The following MYL11 variants were observed in gnomAD, a reference collection of about 807,000 sequenced individuals.
The protein encoded by MYL11 is myosin light chain 11, also known as myosin regulatory light chain 11.
At chr16:30,376,330 C>T in the MYL11 span, 1 of 1,547,024 alleles carries the variant, frequency 6.5e-7, no homozygotes, top group Non-Finnish European at 8.8e-7. Flanking sequence ...GTCTACCCAG[C>T]TGAAAAATGA....
chr16:30,373,172 G>A, the MYL11 span, among the ~76,000 whole-genome samples: 4 of 152,202 alleles, frequency 2.6e-5, no homozygotes, highest in Non-Finnish European at 4.4e-5. Flanking sequence ...CTCTTGGCTC[G>A]GCGCGGTGGC....
the MYL11 span, among the ~76,000 whole-genome samples, chr16:30,371,874 C>T: frequency 3.3e-5 from 5 of 152,272 alleles, no homozygotes; most frequent in East Asian, 7.7e-4. Flanking sequence ...ACGTTATGAG[C>T]TCCAACCTTC....
chr16:30,375,336 A>G, the MYL11 span, among the ~76,000 whole-genome samples: 1 of 152,052 alleles, frequency 6.6e-6, no homozygotes, highest in East Asian at 1.9e-4. Context: ...GTGGTGGTGC[A>G]TGCCTGTAAT....
chr16:30,375,773 T>C, the MYL11 span: 10 of 1,496,042 alleles, frequency 6.7e-6, no homozygotes, highest in Admixed American at 1.7e-5. Context: ...CCCAGAGAGG[T>C]GGAGGGACTG....
the MYL11 span, chr16:30,375,824 C>T: frequency 6.2e-7 from 1 of 1,613,810 alleles, no homozygotes; most frequent in Non-Finnish European, 8.5e-7. Context: ...CTCCAGGCAC[C>T]CAAGAGGGCC....
chr16:30,371,052 A>C, the MYL11 span: 1 of 152,252 alleles, frequency 6.6e-6, no homozygotes, highest in Non-Finnish European at 1.5e-5. Context: ...GCTAGAGATT[A>C]ATTCGCCCCG....
At chr16:30,376,831 C>CAG in the MYL11 span, 30 of 848,018 alleles carry the variant, frequency 3.5e-5, no homozygotes, top group Admixed American at 6.6e-4. Context: ...CTTTGGGAGG[C>CAG]AGAGGCAGGA....
chr16:30,377,461 T>C, the MYL11 span: 1 of 499,694 alleles, frequency 2.0e-6, no homozygotes, highest in African/African-American at 1.9e-5. Flanking sequence ...ATTGTGGTAA[T>C]GGGCGGTAAG....
At chr16:30,370,989 T>C in the MYL11 span, 1 of 152,248 alleles carries the variant, frequency 6.6e-6, no homozygotes, top group African/African-American at 2.4e-5. Flanking sequence ...AAGAATTCTT[T>C]AGGTCTCCCA....
chr16:30,374,900 A>G, the MYL11 span: 2 of 1,608,720 alleles, frequency 1.2e-6, no homozygotes, highest in Non-Finnish European at 1.7e-6. Flanking sequence ...GATCCCTTAG[A>G]CCTCAGGGCA....
the MYL11 span, chr16:30,376,419 C>G: frequency 6.2e-7 from 1 of 1,611,734 alleles, no homozygotes; most frequent in South Asian, 1.1e-5. Flanking sequence ...CCAACCCCCT[C>G]CAGGCCGCCT....
At chr16:30,377,777 C>A in the MYL11 span, 247 of 1,613,506 alleles carry the variant, frequency 1.5e-4, no homozygotes, top group Non-Finnish European at 2.0e-4. Flanking sequence ...GTGCGAGACG[C>A]CCCTACGTCT....
the MYL11 span, chr16:30,376,758 C>G: frequency 6.6e-7 from 1 of 1,503,890 alleles, no homozygotes; most frequent in Non-Finnish European, 9.1e-7. Context: ...TGCTCCCACA[C>G]TGACAGCCTC....
At chr16:30,377,984 G>T in the MYL11 span, 3 of 1,379,116 alleles carry the variant, frequency 2.2e-6, no homozygotes, top group South Asian at 3.8e-5. Flanking sequence ...ACTGATCTTT[G>T]TTTCTTATGG....
At chr16:30,377,445 G>C in the MYL11 span, 2 of 483,202 alleles carry the variant, frequency 4.1e-6, no homozygotes, top group Non-Finnish European at 7.1e-6. Flanking sequence ...TAAGGGAGTA[G>C]TTAAGATTGT....
At chr16:30,372,024 C>A in the MYL11 span, among the ~76,000 whole-genome samples, 1 of 152,200 alleles carries the variant, frequency 6.6e-6, no homozygotes, top group South Asian at 2.1e-4. Context: ...AGGTCCCTCA[C>A]TCCCAACTCA....
chr16:30,374,743 G>T, the MYL11 span: 1 of 1,370,086 alleles, frequency 7.3e-7, no homozygotes, highest in Non-Finnish European at 9.8e-7. Flanking sequence ...AGGTTACCTT[G>T]GTATGTTAAG....
At chr16:30,377,153 C>T in the MYL11 span, among the ~76,000 whole-genome samples, 2 of 151,972 alleles carry the variant, frequency 1.3e-5, no homozygotes, top group African/African-American at 4.8e-5. Flanking sequence ...TCGGAGGTTG[C>T]AGTGAGCCAA....
chr16:30,374,641 C>T, the MYL11 span: 1 of 548,668 alleles, frequency 1.8e-6, no homozygotes, highest in East Asian at 3.2e-5. Flanking sequence ...CCCCTTCCTC[C>T]CCGCTGGGCT....
Sources: gnomAD v4.1 joint callset for allele counts (sites outside exome capture counted in the v4.1 genomes callset) on GRCh38, gnomAD v4.1.1 for gene constraint, MANE v1.5 for transcripts, NCBI Gene and HGNC (gene_info 2026-07-23, HGNC 2026-07-21) for gene names.